PCDHGA6: variants seen among roughly 807,000 people sequenced by gnomAD.
The protein encoded by PCDHGA6 is protocadherin gamma subfamily A, 6, also known as protocadherin gamma-A6.
PCDHGA6 carries 41 observed loss-of-function variants against 60.6 expected under a neutral mutation model. The ratio of observed to expected loss-of-function variants is 0.68; its 90% CI spans 0.53 to 0.88. PCDHGA6 has a LOEUF of 0.88. Among genes scored for constraint, PCDHGA6 ranks in the 40% least tolerant of loss-of-function variants. The probability of loss-of-function intolerance (pLI) is 0.00; values close to 1 mark genes in which losing one functional copy is unlikely to be tolerated. For missense variants in PCDHGA6, 1,312 were observed against 1,203.0 expected, an observed-to-expected ratio of 1.09 and a Z score of -1.34; for synonymous variants, 594 against 524.4, an observed-to-expected ratio of 1.13 and a Z score of -1.81.
chr5:141,401,512 A>G (rs556332375), intron 1 of PCDHGA6, among the ~76,000 whole-genome samples: 2 of 152,374 alleles, frequency 1.3e-5, no homozygotes, highest in South Asian at 4.1e-4. Context: ...CCACCTCTAT[A>G]TAATTACCAG....
Position 141,485,373 on chromosome 5 carries a change from C to T in PCDHGA6, c.2425-9434C>T. 2 of 1,614,136 alleles carry T rather than the reference C, an allele frequency of 1.2e-6. No homozygotes were observed. Among genetic ancestry groups the T allele is most frequent in the East Asian group, 2.2e-5 (1 of 44,868 alleles). On this transcript the variant is annotated intron_variant, in intron 1 of 3. Transcript: ENST00000517434. This position sits in a 1 kb window ranked among gnomAD's most constrained non-coding sequence, Gnocchi z 5.7. ...CTGTCAGCTCGCAGGCTGCAGGTCG[C>T]TGGAGAGGTGAACCAAAGACACTTC... is the stretch of plus-strand genomic sequence containing the variant.
In PCDHGA6 at chr5:141,511,223, A is replaced by G. The variant is rs1193308928; in HGVS notation, c.*50A>G. On this transcript the variant is annotated 3_prime_UTR_variant, in exon 4 of 4. Transcript: ENST00000517434. ...AGGGCGGCCTCTCCCCAACCAGCCC[A>G]GCTTCTCCTTACCTGCACCCAGGCC... 1 of 1,604,390 alleles carries G rather than the reference A, an allele frequency of 6.2e-7. No individual in the cohort carries two copies.
intron 1 of PCDHGA6, chr5:141,415,217 GCTTCGAGTCT>G: frequency 2.5e-6 from 4 of 1,614,124 alleles, no homozygotes; most frequent in Non-Finnish European, 3.4e-6. Context: ...GACCTCGGCA[GCTTCGAGTCT>G]CCAGCTAACT....
chr5:141,385,190 G>A (rs899564761), intron 1 of PCDHGA6: 5 of 1,614,048 alleles, frequency 3.1e-6, no homozygotes, highest in African/African-American at 1.3e-5. Context: ...GCGGACTCTC[G>A]GAAGAGTCAC....
At chr5:141,424,712 G>A (rs2096836283) in intron 1 of PCDHGA6, 1 of 152,126 alleles carries the variant, frequency 6.6e-6, no homozygotes, top group Non-Finnish European at 1.5e-5. Context: ...CATTTTCAGT[G>A]TAGTTGGGAG....
intron 1 of PCDHGA6, among the ~76,000 whole-genome samples, chr5:141,470,624 A>G (rs1421700811): frequency 6.6e-6 from 1 of 152,220 alleles, no homozygotes; most frequent in Non-Finnish European, 1.5e-5. Flanking sequence ...TCATGCTTAG[A>G]TAGGCCCCCT....
Position 141,375,115 on chromosome 5 carries a change from A to G in PCDHGA6, c.1032A>G (p.Val344=), listed in dbSNP as rs987989099. The G allele has an allele frequency of 1.2e-6, 2 of 1,613,958 alleles. No homozygotes were observed. The highest frequency in any genetic ancestry group is 1.7e-6 in the Non-Finnish European group (2 of 1,179,878). Residue 344 remains valine (V), a synonymous_variant, in exon 1 of 4, where the codon GTA becomes GTG. Coordinates refer to ENST00000517434, the MANE Select transcript of PCDHGA6 (RefSeq NM_018919.3). The part of the protein sequence containing the change: ...LITILDVNDN[V]PEVVVTSGSR... ...CTATCTTGGATGTCAATGATAATGT[A>G]CCAGAAGTGGTTGTTACATCTGGAA...
At chr5:141,409,796 C>T (rs750405889) in intron 1 of PCDHGA6, 1 of 1,611,944 alleles carries the variant, frequency 6.2e-7, no homozygotes, top group Non-Finnish European at 8.5e-7. Context: ...CGCGCTCACG[C>T]TGCAGGCCCG....
At position 141,375,517 on chromosome 5, in the gene PCDHGA6, C is replaced by T. The variant is rs1399312320; in HGVS notation, c.1434C>T (p.Asp478=). The T allele has an allele frequency of 1.9e-6, 3 of 1,614,038 alleles. No homozygotes were observed. Among genetic ancestry groups the T allele is most frequent in the Non-Finnish European group, 1.7e-6 (2 of 1,179,936 alleles). Residue 478 remains aspartate, a synonymous_variant, in exon 1 of 4, where the codon GAC becomes GAT. Coordinates refer to ENST00000517434, the MANE Select transcript of PCDHGA6 (RefSeq NM_018919.3). ...CCATCTTCTCTGTGAATGCACTGGA[C>T]CCTGACGTGGACCAGAACGCCCAAG... The part of the protein sequence containing the change: ...GASIFSVNAL[D]PDVDQNAQVS...
At chr5:141,394,868 C>T in intron 1 of PCDHGA6, 1 of 1,613,828 alleles carries the variant, frequency 6.2e-7, no homozygotes, top group Non-Finnish European at 8.5e-7. Flanking sequence ...TCGACCCGAA[C>T]GATTCGAGCC....
chr5:141,453,870 C>A (rs932804656), intron 1 of PCDHGA6, among the ~76,000 whole-genome samples: 2 of 152,146 alleles, frequency 1.3e-5, no homozygotes, highest in African/African-American at 4.8e-5. Context: ...AACAGATGAG[C>A]AAAATAATGT....
In PCDHGA6 at chr5:141,376,683, T is replaced by TTTTTTTTTG. The variant is rs1773156952; in HGVS notation, c.2424+184_2424+185insGTTTTTTTT. 4 of 803,912 alleles carry TTTTTTTTTG rather than the reference T, an allele frequency of 5.0e-6. 1 individual carries two copies. The highest frequency in any genetic ancestry group is 3.9e-5 in the African/African-American group (2 of 51,902). 49.8% of individuals were successfully genotyped at this position (803,912 alleles called of 1,614,324 possible). A position where few individuals can be genotyped will look rare whatever the true frequency, so the allele number is the denominator to read the frequency against. On this transcript the variant is annotated intron_variant, in intron 1 of 3. Coordinates refer to ENST00000517434, the MANE Select transcript of PCDHGA6 (RefSeq NM_018919.3). ...TGTTCAGGTGAGGGTATCGTTTTTT[T>TTTTTTTTTG]TTTTTTTTTTTTTTGAGACGGAGTC...
Position 141,399,470 on chromosome 5 carries a change from T to C in PCDHGA6, c.2424+22963T>C, listed in dbSNP as rs773359741. 70 of 1,614,018 alleles carry C rather than the reference T, an allele frequency of 4.3e-5. No individual in the cohort carries two copies. The Middle Eastern group carries it at 4.9e-4, about 11-fold the overall frequency. On this transcript the variant is annotated intron_variant, in intron 1 of 3. Coordinates refer to ENST00000517434, the MANE Select transcript of PCDHGA6 (RefSeq NM_018919.3). ...GACGTCAACGATAACGCTCCGGTTT[T>C]CCACCAGGCGTCCTACTTAGTCAGT... is the stretch of plus-strand genomic sequence containing the variant.
intron 1 of PCDHGA6, among the ~76,000 whole-genome samples, chr5:141,437,668 G>T (rs72790049): frequency 3.1e-4 from 47 of 151,868 alleles, no homozygotes; most frequent in Non-Finnish European, 6.0e-4. Context: ...TCGAAGAGAT[G>T]TTGATCAAAC....
chr5:141,449,040 C>A (rs1333983931), intron 1 of PCDHGA6, among the ~76,000 whole-genome samples: 2 of 152,126 alleles, frequency 1.3e-5, no homozygotes, highest in Non-Finnish European at 2.9e-5. Flanking sequence ...GGATTATTAA[C>A]CAGTCTCATA....
chr5:141,383,972 A>C, intron 1 of PCDHGA6: 1 of 1,613,800 alleles, frequency 6.2e-7, no homozygotes, highest in Non-Finnish European at 8.5e-7. Context: ...TCAATCCCTG[A>C]AGACACACCT....
intron 1 of PCDHGA6, among the ~76,000 whole-genome samples, chr5:141,467,814 A>G (rs2099152300): frequency 6.6e-6 from 1 of 151,978 alleles, no homozygotes; most frequent in Non-Finnish European, 1.5e-5. Flanking sequence ...ACATGCCACC[A>G]CACCAGGCTG....
intron 1 of PCDHGA6, among the ~76,000 whole-genome samples, chr5:141,458,449 A>G (rs1483902182): frequency 6.6e-6 from 1 of 152,086 alleles, no homozygotes; most frequent in Non-Finnish European, 1.5e-5. Context: ...CCACATTAAC[A>G]ATTTTTAAAA....
chr5:141,390,137 T>C lies in PCDHGA6; in HGVS notation c.2424+13630T>C, dbSNP rs373308909. The stretch of plus-strand genomic sequence containing the variant: ...AGGGGACTTTGCCTTATTCCTACAA[T>C]CTATGTGTTGCACATACAGGAAAGA... On this transcript the variant is annotated intron_variant, in intron 1 of 3. Coordinates refer to ENST00000517434, the MANE Select transcript of PCDHGA6 (RefSeq NM_018919.3). 3.1e-4 allele frequency: 506 copies of C among 1,614,052 alleles called. 2 individuals carry two copies. The African/African-American group carries it at 6.2e-3, about 20-fold the overall frequency.
Sources: allele counts gnomAD v4.1 joint callset (sites outside exome capture counted in the v4.1 genomes callset), GRCh38; gene constraint gnomAD v4.1.1; non-coding constraint Gnocchi (gnomAD v3.1); transcripts MANE v1.5; gene names NCBI Gene and HGNC (gene_info 2026-07-23, HGNC 2026-07-21).